SIM1: variants seen among roughly 807,000 people sequenced by gnomAD.
SIM1 encodes the protein SIM bHLH transcription factor 1.
Under a neutral mutation model 78.2 loss-of-function variants are expected in SIM1, and 18 were observed. The observed-to-expected ratio is 0.23, with a 90% CI of 0.16 to 0.34. The LOEUF is 0.34. Among genes scored for constraint, SIM1 ranks in the 10% least tolerant of loss-of-function variants. SIM1 has a pLI of 1.00. For synonymous variants in SIM1, 417 were observed against 385.2 expected (o/e 1.08, Z -0.97); for missense variants, 939 against 975.1 (o/e 0.96, Z 0.49).
chr6:100,417,890 A>C (rs1771444795), intron 10 of SIM1, among the ~76,000 whole-genome samples: 1 of 152,248 alleles, frequency 6.6e-6, no homozygotes, highest in Non-Finnish European at 1.5e-5. Flanking sequence ...CATAAATGTT[A>C]AGTAAACTTA....
intron 9 of SIM1, among the ~76,000 whole-genome samples, chr6:100,440,893 T>C (rs979844019): frequency 6.6e-5 from 10 of 151,820 alleles, no homozygotes; most frequent in African/African-American, 2.4e-4. Context: ...AACATAACAG[T>C]GTTTCCCATG....
rs774635860 is a variant in SIM1 at position 100,447,403 on chromosome 6, C to T, written c.863G>A (p.Gly288Glu). 4 of 1,614,234 alleles carry T rather than the reference C, an allele frequency of 2.5e-6. No homozygotes were observed. In the South Asian group the frequency reaches 4.4e-5, roughly 18 times the overall value. Residue 288 changes from glycine to glutamate, a missense_variant, in exon 9 of 12, where the codon GGA becomes GAA. Around this residue, in one of 5 missense-constraint regions of SIM1, gnomAD observed 66 missense variants for 108.4 expected, o/e 0.61. Coordinates refer to ENST00000369208, the MANE Select transcript of SIM1 (RefSeq NM_005068.3). ...CCTGTAGTACTTGGTGGTCACCTGT[C>T]CCTTCACCAGCACTGACGGAGAGAC... ...RCAHHLLLVK[G>E]QVTTKYYRFL...
chr6:100,452,719 G>A (rs1199628636), intron 3 of SIM1, among the ~76,000 whole-genome samples: 2 of 152,166 alleles, frequency 1.3e-5, no homozygotes, highest in Admixed American at 6.5e-5. Context: ...TTGGGGGAAG[G>A]ACACAGGGAA....
chr6:100,413,390 T>A (rs757783988), intron 10 of SIM1, among the ~76,000 whole-genome samples: 8 of 152,228 alleles, frequency 5.3e-5, no homozygotes, highest in Non-Finnish European at 8.8e-5. Flanking sequence ...AATCTTATCT[T>A]TACTGCCCCA....
intron 10 of SIM1, among the ~76,000 whole-genome samples, chr6:100,415,121 G>A (rs578155640): frequency 2.9e-4 from 44 of 152,268 alleles, no homozygotes; most frequent in Non-Finnish European, 5.3e-4. Flanking sequence ...AGGATGGCAC[G>A]CACTTTCTGT....
At chr6:100,435,090 TGAA>T (rs1772009400) in intron 9 of SIM1, among the ~76,000 whole-genome samples, 1 of 152,120 alleles carries the variant, frequency 6.6e-6, no homozygotes, top group Non-Finnish European at 1.5e-5. Context: ...CTAAAATTAG[TGAA>T]GAAGAGATGG....
chr6:100,397,099 TA>T (rs1219383901), intron 10 of SIM1, among the ~76,000 whole-genome samples: 1 of 152,194 alleles, frequency 6.6e-6, no homozygotes, highest in East Asian at 1.9e-4. Context: ...GTCATAACTA[TA>T]AAAAGAAAGT....
intron 10 of SIM1, among the ~76,000 whole-genome samples, chr6:100,415,259 A>G (rs1031965772): frequency 6.6e-6 from 1 of 152,252 alleles, no homozygotes; most frequent in Non-Finnish European, 1.5e-5. Context: ...TAATGTAGCT[A>G]TAACTAGTTT....
At chr6:100,412,749 A>AAGAAAG (rs1771286815) in intron 10 of SIM1, among the ~76,000 whole-genome samples, 1 of 144,452 alleles carries the variant, frequency 6.9e-6, no homozygotes, top group East Asian at 2.1e-4. Context: ...GAAAGAAAGA[A>AAGAAAG]AGAAAAAAGA....
chr6:100,455,007 G>A (rs1297827654), intron 2 of SIM1, among the ~76,000 whole-genome samples: 1 of 151,992 alleles, frequency 6.6e-6, no homozygotes, highest in Non-Finnish European at 1.5e-5. Context: ...GATTTACTGC[G>A]TTAAGGAGCA....
At chr6:100,437,953 C>G (rs1772099931) in intron 9 of SIM1, among the ~76,000 whole-genome samples, 2 of 151,984 alleles carry the variant, frequency 1.3e-5, no homozygotes, top group African/African-American at 2.4e-5. Context: ...TCACCTTGTA[C>G]AAAAATCAAC....
chr6:100,397,535 A>T (rs1770797617), intron 10 of SIM1, among the ~76,000 whole-genome samples: 2 of 152,204 alleles, frequency 1.3e-5, no homozygotes, highest in Admixed American at 1.3e-4. Context: ...CAAAAGGTTC[A>T]CAGACTTAAA....
intron 9 of SIM1, among the ~76,000 whole-genome samples, chr6:100,442,762 T>A (rs1046136577): frequency 2.6e-5 from 4 of 151,978 alleles, no homozygotes; most frequent in Admixed American, 6.6e-5. Flanking sequence ...AAACTCCTAG[T>A]AATAATAATA....
rs1439444665 is a variant in SIM1, at chr6:100,393,905, G to A, written c.1168-16C>T. The A allele has an allele frequency of 5.9e-6, 9 of 1,518,694 alleles. No homozygotes were observed. The highest frequency in any genetic ancestry group is 1.3e-5 in the South Asian group (1 of 76,220). The allele number at this position is 1,518,694 out of a possible 1,614,324, so 94.1% of individuals were successfully genotyped here. ...ATCCCGAATACTGAAACCGAGTAGG[G>A]GAGAAAAGTCCATTTCAAAAATCAA... On this transcript the variant is annotated splice_polypyrimidine_tract_variant and intron_variant, in intron 10 of 11. Transcript: ENST00000369208.
chr6:100,452,503 G>C (rs1013360659), intron 3 of SIM1, among the ~76,000 whole-genome samples: 4 of 152,168 alleles, frequency 2.6e-5, no homozygotes, highest in African/African-American at 9.7e-5. Flanking sequence ...GAGCATGATG[G>C]GTGGGAGAGA....
chr6:100,425,007 T>C (rs1003017251), intron 9 of SIM1, among the ~76,000 whole-genome samples: 1 of 152,204 alleles, frequency 6.6e-6, no homozygotes, highest in African/African-American at 2.4e-5. Context: ...TTGAATTGCA[T>C]ATCCCAGAAT....
At chr6:100,439,219 C>A (rs1293018785) in intron 9 of SIM1, among the ~76,000 whole-genome samples, 1 of 152,106 alleles carries the variant, frequency 6.6e-6, no homozygotes, top group Non-Finnish European at 1.5e-5. Flanking sequence ...ACTGTTTGAA[C>A]CTAATTTGAA....
At chr6:100,415,252 T>C (rs943544919) in intron 10 of SIM1, among the ~76,000 whole-genome samples, 1 of 152,254 alleles carries the variant, frequency 6.6e-6, no homozygotes, top group Admixed American at 6.5e-5. Flanking sequence ...CTTGTGTTAA[T>C]GTAGCTATAA....
intron 9 of SIM1, among the ~76,000 whole-genome samples, chr6:100,431,853 G>A (rs1172253820): frequency 2.6e-5 from 4 of 152,162 alleles, no homozygotes; most frequent in Non-Finnish European, 5.9e-5. Context: ...GTCTTAAGCC[G>A]ATGGCCCAGA....
Sources: allele counts gnomAD v4.1 joint callset (sites outside exome capture counted in the v4.1 genomes callset), GRCh38; gene constraint gnomAD v4.1.1; regional missense constraint gnomAD v4.1.1; transcripts MANE v1.5; gene names NCBI Gene and HGNC (gene_info 2026-07-23, HGNC 2026-07-21).